PPIE: variants seen among roughly 807,000 people sequenced by gnomAD.
PPIE encodes peptidyl-prolyl cis-trans isomerase E.
In PPIE, 20 loss-of-function variants were observed where a neutral mutation model predicts 38.4. The observed-to-expected ratio is 0.52, with a 90% CI of 0.37 to 0.76. The LOEUF (loss-of-function observed/expected upper bound fraction) is 0.76. PPIE is among the 30% of genes least tolerant of loss of function. The pLI is 0.00. For synonymous variants in PPIE, 142 were observed against 135.7 expected, an observed-to-expected ratio of 1.05 and a Z score of -0.32; for missense variants, 322 against 385.8, an observed-to-expected ratio of 0.83 and a Z score of 1.39.
At chr1:39,760,781 C>T (rs1648852266), downstream of PPIE, among the ~76,000 whole-genome samples, 1 of 152,280 alleles carries the variant, frequency 6.6e-6, no homozygotes, top group Non-Finnish European at 1.5e-5. Context: ...CAGGGAGGGA[C>T]ACATGGCAGG....
chr1:39,754,913 TG>T lies in PPIE; in HGVS notation c.*1560del. On this transcript the variant is annotated 3_prime_UTR_variant, in exon 10 of 10. Coordinates refer to ENST00000324379, the MANE Select transcript of PPIE (RefSeq NM_006112.4). ...TCTAGACTAGTGTTTGACTAAAAAC[TG>T]GATACCATGGCCTAGCCAAATTGAC... The T allele has an allele frequency of 1.5e-6, 1 of 671,052 alleles. No homozygotes were observed. Among genetic ancestry groups the T allele is most frequent in the Non-Finnish European group, 1.8e-6 (1 of 542,958 alleles). The allele number at this position is 671,052 out of a possible 1,614,324, so 41.6% of individuals were successfully genotyped here. A position where few individuals can be genotyped will look rare whatever the true frequency, so the allele number is the denominator to read the frequency against.
At chr1:39,750,886 T>C (rs935524973) in intron 8 of PPIE, among the ~76,000 whole-genome samples, 2 of 152,246 alleles carry the variant, frequency 1.3e-5, no homozygotes, top group Admixed American at 6.5e-5. Flanking sequence ...GTAGGTGATA[T>C]AGCCCACTGA....
rs1203700634 is a variant in PPIE, at chr1:39,755,613, G to A, written c.*2258G>A. 2.0e-6 allele frequency: 2 copies of A among 985,292 alleles called. No homozygotes were observed. The allele number at this position is 985,292 out of a possible 1,614,324, so 61.0% of individuals were successfully genotyped here. A position where few individuals can be genotyped will look rare whatever the true frequency, so the allele number is the denominator to read the frequency against. On this transcript the variant is annotated 3_prime_UTR_variant, in exon 10 of 10. Coordinates refer to ENST00000324379, the MANE Select transcript of PPIE (RefSeq NM_006112.4). ...TTCAGTGCTTGGACGAGAACCAGGA[G>A]AGAGTGTGTAGAAAAAGCACAGCCA... is the stretch of plus-strand genomic sequence containing the variant.
exon 10 of PPIE, chr1:39,763,783 G>A: frequency 1.2e-6 from 2 of 1,600,348 alleles, no homozygotes; most frequent in Non-Finnish European, 8.5e-7. Context: ...TGGGAGCCGT[G>A]GACGTCATCT....
Position 39,754,083 on chromosome 1 carries a change from G to A in PPIE, c.*728G>A, listed in dbSNP as rs1366898562. On this transcript the variant is annotated 3_prime_UTR_variant, in exon 10 of 10. Transcript: ENST00000324379. ...GCCAAGTACTATGCCTATTTGTCAG[G>A]AGACAGGAAGCCAACAAACTACATG... The A allele has an allele frequency of 1.0e-6, 1 of 984,918 alleles. No homozygotes were observed. The highest frequency in any genetic ancestry group is 1.2e-6 in the Non-Finnish European group (1 of 829,602). The allele number at this position is 984,918 out of a possible 1,614,324, so 61.0% of individuals were successfully genotyped here.
chr1:39,741,174 A>C (rs757914392), intron 2 of PPIE, among the ~76,000 whole-genome samples, 192 bp from the exon 3 acceptor site: 7 of 152,230 alleles, frequency 4.6e-5, no homozygotes, highest in Non-Finnish European at 8.8e-5. Flanking sequence ...GTCCATTAAA[A>C]AAACAAAGTT....
At chr1:39,741,489 GTTAGGTTTTTGGGCC>G in intron 3 of PPIE, 80 bp downstream of exon 3, 1 of 1,494,126 alleles carries the variant, frequency 6.7e-7, no homozygotes, top group African/African-American at 1.4e-5. Context: ...TCACCATTTG[GTTAGGTTTTTGGGCC>G]TTAGGCTGAT....
Position 39,752,971 on chromosome 1 carries a change from T to C in PPIE, c.756T>C (p.Cys252=), listed in dbSNP as rs1414205999. The C allele has an allele frequency of 6.2e-7, 1 of 1,614,182 alleles. No individual in the cohort carries two copies. Among genetic ancestry groups the C allele is most frequent in the African/African-American group, 1.3e-5 (1 of 75,034 alleles). ...NTNGSQFFLT[C]DKTDWLDGKH... ...ATGGCTCTCAGTTCTTCCTGACATGTGACAAGACAGACTGGCTGGATGGCA... is the reference window on the plus strand; with the variant it reads ...ATGGCTCTCAGTTCTTCCTGACATGCGACAAGACAGACTGGCTGGATGGCA... The change falls in exon 9 of 10, where the codon TGT becomes TGC. Residue 252 remains cysteine (C), a synonymous_variant. Transcript: ENST00000324379.
intron 9 of PPIE, 103 bp downstream of exon 9, chr1:39,753,155 T>C: frequency 6.3e-7 from 1 of 1,590,898 alleles, no homozygotes; most frequent in East Asian, 2.2e-5. Flanking sequence ...GGCCAGGGGC[T>C]GTGTCCAGCG....
At chr1:39,762,156 T>C (rs1459021324) in intron 9 of PPIE, among the ~76,000 whole-genome samples, 1 of 152,224 alleles carries the variant, frequency 6.6e-6, no homozygotes, top group African/African-American at 2.4e-5. Flanking sequence ...GGAAGCATTA[T>C]CATAGGCTCA....
Position 39,745,362 on chromosome 1 carries a change from C to A in PPIE, c.385-13C>A, listed in dbSNP as rs754797355. ...GGGAGCTCTCTCTAACTAGCAATTT[C>A]TTCTGCACCTAGGGAGAGCCCATTG... On this transcript the variant is annotated splice_polypyrimidine_tract_variant and intron_variant, in intron 6 of 9. Transcript: ENST00000324379. The A allele has an allele frequency of 1.9e-6, 3 of 1,614,058 alleles. No individual in the cohort carries two copies. The highest frequency in any genetic ancestry group is 2.2e-5 in the South Asian group (2 of 91,054).
chr1:39,750,849 C>T (rs1172142929), intron 8 of PPIE, among the ~76,000 whole-genome samples: 1 of 152,202 alleles, frequency 6.6e-6, no homozygotes, highest in East Asian at 1.9e-4. Context: ...TTGTAGGGCC[C>T]CTCTTTACTA....
chr1:39,743,688 T>A, intron 5 of PPIE, 136 bp from the exon 6 acceptor site: 1 of 674,274 alleles, frequency 1.5e-6, no homozygotes, highest in Non-Finnish European at 2.5e-6. Context: ...GAACTTTCCT[T>A]ACCCCTGGGA....
In PPIE at chr1:39,752,951, T is replaced by A. The variant is rs780677615; in HGVS notation, c.736T>A (p.Ser246Thr). ...CAACTCTGGCCCAAACACCAATGGC[T>A]CTCAGTTCTTCCTGACATGTGACAA... is the stretch of plus-strand genomic sequence containing the variant. ...MANSGPNTNG[S>T]QFFLTCDKTD... Residue 246 changes from serine to threonine, a missense_variant, in exon 9 of 10, where the codon TCT becomes ACT. Coordinates refer to ENST00000324379, the MANE Select transcript of PPIE (RefSeq NM_006112.4). 5.0e-6 allele frequency: 8 copies of A among 1,614,166 alleles called. No homozygotes were observed. In the South Asian group the frequency reaches 7.7e-5, roughly 16 times the overall value.
At chr1:39,763,838 T>A in exon 10 of PPIE, 1 of 1,580,798 alleles carries the variant, frequency 6.3e-7, no homozygotes, top group Non-Finnish European at 8.6e-7. Flanking sequence ...TCCTACTGTG[T>A]GCAGCTACTA....
chr1:39,748,866 T>A, intron 7 of PPIE, 37 bp from the exon 8 acceptor site: 1 of 1,582,054 alleles, frequency 6.3e-7, no homozygotes. Context: ...TTTGTCCTAT[T>A]TTTTAACCCC....
rs1289590587 is a variant in PPIE, at chr1:39,755,506, C to T, written c.*2151C>T. ...ACCCTCCCTCAAAGCACAGCCCCTT[C>T]TCTGAGTGCAAATAATGGCCATCAG... On this transcript the variant is annotated 3_prime_UTR_variant, in exon 10 of 10. Transcript: ENST00000324379. The T allele has an allele frequency of 1.0e-6, 1 of 985,348 alleles. No individual in the cohort carries two copies. Among genetic ancestry groups the T allele is most frequent in the Non-Finnish European group, 1.2e-6 (1 of 829,950 alleles). The allele number at this position is 985,348 out of a possible 1,614,324, so 61.0% of individuals were successfully genotyped here. A position where few individuals can be genotyped will look rare whatever the true frequency, so the allele number is the denominator to read the frequency against.
At chr1:39,740,378 G>A (rs1337876744) in intron 2 of PPIE, 115 bp downstream of exon 2, 7 of 779,742 alleles carry the variant, frequency 9.0e-6, no homozygotes, top group Non-Finnish European at 1.0e-5. Context: ...TACACTACAG[G>A]TAAGTTCAGG....
rs1435131941 is a variant in PPIE, at chr1:39,754,503, A to G, written c.*1148A>G. On this transcript the variant is annotated 3_prime_UTR_variant, in exon 10 of 10. Coordinates refer to ENST00000324379, the MANE Select transcript of PPIE (RefSeq NM_006112.4). ...TCTCTTAAGAATTTCAACTGATTGG[A>G]TGAGGCCTACCCACATTATGGAGGG... 6.6e-6 allele frequency among the ~76,000 whole-genome samples: 1 copy of G among 152,176 alleles called. No individual in the cohort carries two copies. Among genetic ancestry groups the G allele is most frequent in the Non-Finnish European group, 1.5e-5 (1 of 68,038 alleles).
Sources: allele counts gnomAD v4.1 joint callset (sites outside exome capture counted in the v4.1 genomes callset), GRCh38; gene constraint gnomAD v4.1.1; transcripts MANE v1.5; gene names NCBI Gene and HGNC (gene_info 2026-07-23, HGNC 2026-07-21).